IFT122: variants seen among roughly 807,000 people sequenced by gnomAD.
The protein encoded by IFT122 is intraflagellar transport 122.
A neutral mutation model predicts 161.6 loss-of-function variants in IFT122; 118 were observed. The observed-to-expected ratio is 0.73, with a 90% CI of 0.63 to 0.85. The LOEUF (loss-of-function observed/expected upper bound fraction) is 0.85, where lower values mean the gene tolerates loss of function less well. Ranked by LOEUF, IFT122 falls within the 40% of genes least tolerant of loss-of-function variation. The pLI is 0.00. For synonymous variants in IFT122, 550 were observed against 602.4 expected (o/e 0.91, Z 1.27); for missense variants, 1,381 against 1,579.6 (o/e 0.87, Z 2.13).
At chr3:129,447,816 G>T (rs923165421) in intron 1 of IFT122, among the ~76,000 whole-genome samples, 3 of 152,084 alleles carry the variant, frequency 2.0e-5, no homozygotes, top group African/African-American at 7.2e-5. Context: ...AGCCTAAAAT[G>T]TTTATCATAC....
At chr3:129,504,802 G>A (rs1034201805) in intron 21 of IFT122, among the ~76,000 whole-genome samples, 3 of 152,150 alleles carry the variant, frequency 2.0e-5, no homozygotes, top group Non-Finnish European at 4.4e-5. Context: ...GTAAAGAGGT[G>A]AAGAAATTTG....
intron 23 of IFT122, among the ~76,000 whole-genome samples, chr3:129,508,981 CTG>C (rs1288538475): frequency 6.6e-6 from 1 of 152,176 alleles, no homozygotes; most frequent in Non-Finnish European, 1.5e-5. Flanking sequence ...GATCAGACAA[CTG>C]TAGTGGATCA....
At chr3:129,478,405 T>G (rs1264255963) in intron 12 of IFT122, among the ~76,000 whole-genome samples, 187 bp downstream of exon 12, 1 of 152,206 alleles carries the variant, frequency 6.6e-6, no homozygotes, top group Non-Finnish European at 1.5e-5. Context: ...CAGCAAGTCA[T>G]GAGCCATAAA....
At chr3:129,484,676 T>C (rs898465245) in intron 15 of IFT122, among the ~76,000 whole-genome samples, 1 of 152,204 alleles carries the variant, frequency 6.6e-6, no homozygotes. Flanking sequence ...GGCAGCCCCA[T>C]CACTGTCTAT....
intron 1 of IFT122, among the ~76,000 whole-genome samples, chr3:129,442,681 A>G (rs560128880): frequency 6.6e-6 from 1 of 151,930 alleles, no homozygotes; most frequent in East Asian, 1.9e-4. Context: ...CTTTGCTTCT[A>G]TTTTAACCTT....
chr3:129,517,268 G>GCACGCGCGCGCACACACA (rs1553776446), intron 26 of IFT122, among the ~76,000 whole-genome samples: 1 of 117,004 alleles, frequency 8.5e-6, no homozygotes, highest in African/African-American at 3.2e-5. Flanking sequence ...CATTGCTCCT[G>GCACGCGCGCGCACACACA]CACACACACA....
chr3:129,460,516 G>A (rs1215050004), intron 4 of IFT122, among the ~76,000 whole-genome samples: 1 of 151,674 alleles, frequency 6.6e-6, no homozygotes, highest in African/African-American at 2.4e-5. Context: ...TCCCTTGGCC[G>A]CCCAAACTGC....
At chr3:129,463,785 A>G (rs1409191360) in intron 6 of IFT122, among the ~76,000 whole-genome samples, 159 bp downstream of exon 6, 2 of 152,214 alleles carry the variant, frequency 1.3e-5, no homozygotes, top group African/African-American at 4.8e-5. Flanking sequence ...TCGATGGGAA[A>G]GACTTGTGCC....
chr3:129,519,649 C>T lies in IFT122; in HGVS notation c.3553C>T (p.Arg1185Ter), dbSNP rs905675504. The change falls in exon 29 of 30, where the codon CGA (arginine) becomes TGA (stop). Residue 1185 changes from arginine to a stop codon, truncating the protein, a stop_gained. Coordinates refer to ENST00000348417, the MANE Select transcript of IFT122 (RefSeq NM_052989.3). LOFTEE classifies it high-confidence loss of function. ...GAGCCGCCGGGATGTCCTCATCAAG[C>T]GATGGCCCCCACCCCTGAGGTGGCA... ...SMSRRDVLIK[R>*]WPPPLRWQYF... The T allele has an allele frequency of 7.4e-6, 12 of 1,613,562 alleles. No individual in the cohort carries two copies. Among genetic ancestry groups the T allele is most frequent in the East Asian group, 2.2e-5 (1 of 44,892 alleles).
chr3:129,472,093 G>A (rs2077422052), intron 9 of IFT122, among the ~76,000 whole-genome samples: 1 of 152,166 alleles, frequency 6.6e-6, no homozygotes, highest in African/African-American at 2.4e-5. Flanking sequence ...ATATTAGAAT[G>A]TCTATCAGAT....
At chr3:129,509,219 C>A (rs1424093046) in intron 23 of IFT122, among the ~76,000 whole-genome samples, 1 of 152,208 alleles carries the variant, frequency 6.6e-6, no homozygotes, top group African/African-American at 2.4e-5. Context: ...TTTTCATTTT[C>A]TATCAGCTCA....
At chr3:129,469,805 A>T (rs1486028648) in intron 9 of IFT122, among the ~76,000 whole-genome samples, 2 of 152,158 alleles carry the variant, frequency 1.3e-5, no homozygotes, top group South Asian at 2.1e-4. Flanking sequence ...ACCAGTATTT[A>T]TGAGTACCCA....
intron 14 of IFT122, 145 bp downstream of exon 14, chr3:129,481,839 GA>G: frequency 1.2e-6 from 1 of 831,310 alleles, no homozygotes; most frequent in Non-Finnish European, 2.0e-6. Context: ...CAGAGTCCCA[GA>G]GGCCCTGGGC....
chr3:129,447,183 G>A (rs2074115710), intron 1 of IFT122, among the ~76,000 whole-genome samples: 1 of 152,138 alleles, frequency 6.6e-6, no homozygotes, highest in Admixed American at 6.6e-5. Context: ...CCTAATATGA[G>A]TGACCACAGC....
intron 5 of IFT122, chr3:129,463,150 C>T (rs544990884): frequency 5.8e-6 from 1 of 173,098 alleles, no homozygotes; most frequent in Admixed American, 5.9e-5. Flanking sequence ...GTGGATCCAT[C>T]TTATGTAACT....
At chr3:129,456,743 C>T (rs1413437676) in intron 3 of IFT122, among the ~76,000 whole-genome samples, 1 of 151,782 alleles carries the variant, frequency 6.6e-6, no homozygotes, top group African/African-American at 2.4e-5. Context: ...GGAGAAACCC[C>T]ATCTCTACTA....
intron 19 of IFT122, 89 bp from the exon 20 acceptor site, chr3:129,502,622 A>G: frequency 6.8e-7 from 1 of 1,469,924 alleles, no homozygotes; most frequent in Non-Finnish European, 9.4e-7. Flanking sequence ...GCATAGTATC[A>G]ACACTGGGGA....
chr3:129,485,591 C>T (rs1465203867), intron 15 of IFT122, among the ~76,000 whole-genome samples: 4 of 152,258 alleles, frequency 2.6e-5, no homozygotes, highest in African/African-American at 9.6e-5. Context: ...GCACCACATC[C>T]ACCAGGAACT....
chr3:129,445,289 G>A (rs959136797), intron 1 of IFT122, among the ~76,000 whole-genome samples: 1 of 152,056 alleles, frequency 6.6e-6, no homozygotes, highest in African/African-American at 2.4e-5. Context: ...TCCTGCTACT[G>A]CACTCCAGCC....
Sources: gnomAD v4.1 joint callset for allele counts (sites outside exome capture counted in the v4.1 genomes callset) on GRCh38, gnomAD v4.1.1 for gene constraint, MANE v1.5 for transcripts, NCBI Gene and HGNC (gene_info 2026-07-23, HGNC 2026-07-21) for gene names.